SAMD5: variants seen among roughly 807,000 people sequenced by gnomAD.
SAMD5 encodes sterile alpha motif domain containing 5.
Under a neutral mutation model 11.3 loss-of-function variants are expected in SAMD5, and 13 were observed. That is an observed-to-expected ratio of 1.15 (90% CI 0.75 to 1.83). SAMD5 has a LOEUF of 1.83. Ranked by LOEUF, SAMD5 falls within the 40% of genes most tolerant of loss-of-function variation. The pLI, the probability that SAMD5 is intolerant of heterozygous loss-of-function variation, is 0.00. For missense variants in SAMD5, 255 were observed against 239.1 expected (o/e 1.07, Z -0.44); for synonymous variants, 129 against 111.3 (o/e 1.16, Z -1.00).
chr6:147,779,262 G>T, the SAMD5 span, among the ~76,000 whole-genome samples: 1 of 151,990 alleles, frequency 6.6e-6, no homozygotes. Flanking sequence ...CCTTGAAACT[G>T]CTGCTAGTTT....
chr6:147,802,551 C>T, the SAMD5 span, among the ~76,000 whole-genome samples: 1 of 151,458 alleles, frequency 6.6e-6, no homozygotes, highest in South Asian at 2.1e-4. Context: ...GCAGTTCCAC[C>T]CCTGGGTAGA....
chr6:147,751,548 C>T, the SAMD5 span, among the ~76,000 whole-genome samples: 1 of 152,122 alleles, frequency 6.6e-6, no homozygotes, highest in Non-Finnish European at 1.5e-5. Flanking sequence ...AAATAGGGTT[C>T]AGTCAGTGAT....
chr6:147,706,822 A>G (rs997961081), intron 1 of SAMD5, among the ~76,000 whole-genome samples: 1 of 152,202 alleles, frequency 6.6e-6, no homozygotes, highest in African/African-American at 2.4e-5. Flanking sequence ...ATGTTTCTCT[A>G]ATTAATTCAC....
At chr6:147,514,273 G>C (rs1321860147) in intron 1 of SAMD5, among the ~76,000 whole-genome samples, 1 of 152,028 alleles carries the variant, frequency 6.6e-6, no homozygotes, top group Non-Finnish European at 1.5e-5. Context: ...GGGGTCCGGA[G>C]ACTGGGACCT....
the SAMD5 span, among the ~76,000 whole-genome samples, chr6:147,784,849 A>C: frequency 3.9e-5 from 6 of 152,240 alleles, no homozygotes; most frequent in Non-Finnish European, 8.8e-5. Context: ...AGCTAAAACA[A>C]ACTGCATTGT....
the SAMD5 span, among the ~76,000 whole-genome samples, chr6:147,946,146 C>G: frequency 2.6e-5 from 4 of 152,064 alleles, no homozygotes. Context: ...CCCTTCTCTC[C>G]CCCAACCCTT....
At chr6:147,751,158 C>T in the SAMD5 span, among the ~76,000 whole-genome samples, 1 of 152,120 alleles carries the variant, frequency 6.6e-6, no homozygotes, top group Non-Finnish European at 1.5e-5. Flanking sequence ...TTGGAAAGTT[C>T]TCTTGTCGAG....
chr6:147,564,593 A>G lies in SAMD5; in HGVS notation c.*137A>G, dbSNP rs1789007037. On this transcript the variant is annotated 3_prime_UTR_variant, in exon 2 of 2. Coordinates refer to ENST00000367474, the MANE Select transcript of SAMD5 (RefSeq NM_001030060.3). The stretch of plus-strand genomic sequence containing the variant: ...CATCAGCTTAACTTTTTGCTTGGAC[A>G]AATTCTGGAATAATCAACTTAGTAA... 6.9e-7 allele frequency: 1 copy of G among 1,457,064 alleles called. No individual in the cohort carries two copies. Among genetic ancestry groups the G allele is most frequent in the African/African-American group, 1.4e-5 (1 of 70,420 alleles). 90.3% of individuals were successfully genotyped at this position (1,457,064 alleles called of 1,614,324 possible). A position where few individuals can be genotyped will look rare whatever the true frequency, so the allele number is the denominator to read the frequency against.
At chr6:147,662,951 A>T (rs1235679436) in intron 1 of SAMD5, among the ~76,000 whole-genome samples, 1 of 152,228 alleles carries the variant, frequency 6.6e-6, no homozygotes, top group African/African-American at 2.4e-5. Context: ...TTTGTTTTTA[A>T]TTATTAATAT....
the SAMD5 span, among the ~76,000 whole-genome samples, chr6:147,881,921 G>T: frequency 2.0e-5 from 3 of 152,158 alleles, no homozygotes; most frequent in African/African-American, 7.2e-5. Flanking sequence ...TTGCAGAGTG[G>T]CTCTGGCGGG....
intron 1 of SAMD5, among the ~76,000 whole-genome samples, chr6:147,625,833 G>A (rs1401314181): frequency 2.0e-5 from 3 of 152,154 alleles, no homozygotes; most frequent in Admixed American, 6.5e-5. Context: ...AGGCATTGTG[G>A]CAAACTGTGG....
intron 1 of SAMD5, among the ~76,000 whole-genome samples, chr6:147,669,317 C>G (rs570845176): frequency 6.6e-6 from 1 of 152,190 alleles, no homozygotes; most frequent in South Asian, 2.1e-4. Context: ...AGATTCCATC[C>G]CAAAAGACCA....
chr6:147,593,636 G>A (rs1789488331), intron 1 of SAMD5, among the ~76,000 whole-genome samples: 1 of 152,172 alleles, frequency 6.6e-6, no homozygotes, highest in Admixed American at 6.5e-5. Context: ...TTTTCAGAGA[G>A]TGACATAACT....
the SAMD5 span, among the ~76,000 whole-genome samples, chr6:147,845,208 A>C: frequency 6.6e-6 from 1 of 151,400 alleles, no homozygotes; most frequent in Non-Finnish European, 1.5e-5. Flanking sequence ...CATCCTAAAA[A>C]AAAATTGAAC....
chr6:147,888,169 T>C, the SAMD5 span, among the ~76,000 whole-genome samples: 2 of 152,298 alleles, frequency 1.3e-5, no homozygotes, highest in East Asian at 3.9e-4. Flanking sequence ...TTCAATTTAT[T>C]ATTTTTCTTT....
chr6:147,756,680 A>T, the SAMD5 span, among the ~76,000 whole-genome samples: 1 of 152,216 alleles, frequency 6.6e-6, no homozygotes, highest in Admixed American at 6.5e-5. Context: ...GACTGAATTG[A>T]CATTAATGTC....
At chr6:147,819,793 G>A in the SAMD5 span, among the ~76,000 whole-genome samples, 10 of 152,336 alleles carry the variant, frequency 6.6e-5, no homozygotes, top group African/African-American at 2.4e-4. Context: ...TCAAGGAGGT[G>A]ACAATAAAAA....
At chr6:147,914,977 G>A in the SAMD5 span, among the ~76,000 whole-genome samples, 1 of 152,098 alleles carries the variant, frequency 6.6e-6, no homozygotes, top group African/African-American at 2.4e-5. Context: ...AATAAATACT[G>A]AGAATCTGTT....
At chr6:147,632,520 T>C (rs562330249) in intron 1 of SAMD5, among the ~76,000 whole-genome samples, 1 of 152,048 alleles carries the variant, frequency 6.6e-6, no homozygotes, top group East Asian at 1.9e-4. Flanking sequence ...AGAGAGTGAG[T>C]TGAGCACAGT....
Sources: gnomAD v4.1 joint callset for allele counts (sites outside exome capture counted in the v4.1 genomes callset) on GRCh38, gnomAD v4.1.1 for gene constraint, MANE v1.5 for transcripts, NCBI Gene and HGNC (gene_info 2026-07-23, HGNC 2026-07-21) for gene names.